NSMCE2: variants seen among roughly 807,000 people sequenced by gnomAD.
NSMCE2 encodes E3 SUMO-protein ligase NSE2.
NSMCE2 carries 24 observed loss-of-function variants against 23.8 expected under a neutral mutation model. The ratio of observed to expected loss-of-function variants is 1.01; its 90% CI spans 0.73 to 1.42. The LOEUF (loss-of-function observed/expected upper bound fraction) is 1.42, where lower values mean the gene tolerates loss of function less well. NSMCE2 is among the 40% of genes most tolerant of loss of function. The pLI is 0.00. For missense variants in NSMCE2, 284 were observed against 296.5 expected, an observed-to-expected ratio of 0.96 and a Z score of 0.31; for synonymous variants, 92 against 94.1, an observed-to-expected ratio of 0.98 and a Z score of 0.13.
In NSMCE2 at chr8:125,244,880, A is replaced by C. The variant is rs77488830; in HGVS notation, c.418+62624A>C. On this transcript the variant is annotated intron_variant, in intron 5 of 7. Coordinates refer to ENST00000287437, the MANE Select transcript of NSMCE2 (RefSeq NM_173685.4). ...TAGAGGAGCGACTGCTCAAAGCTTA[A>C]ACTAATAACTACACACTGTACTTTG... 1.2e-3 allele frequency among the ~76,000 whole-genome samples: 177 copies of C among 152,340 alleles called. 1 individual carries two copies. The highest frequency in any genetic ancestry group is 4.0e-3 in the African/African-American group (165 of 41,574).
intron 1 of NSMCE2, among the ~76,000 whole-genome samples, chr8:125,100,141 T>C (rs533074228): frequency 6.6e-6 from 1 of 152,120 alleles, no homozygotes; most frequent in South Asian, 2.1e-4. Flanking sequence ...GCAAAATTTC[T>C]ATTCTGACTG....
intron 4 of NSMCE2, among the ~76,000 whole-genome samples, chr8:125,156,464 G>A (rs1554611784): frequency 6.6e-6 from 1 of 151,930 alleles, no homozygotes; most frequent in Admixed American, 6.6e-5. Context: ...CTACATATTT[G>A]TTTTTTTAAG....
intron 5 of NSMCE2, among the ~76,000 whole-genome samples, chr8:125,300,854 T>A (rs1237268443): frequency 6.6e-6 from 1 of 152,072 alleles, no homozygotes; most frequent in African/African-American, 2.4e-5. Flanking sequence ...AAAAGATGGA[T>A]TAATGCTAGC....
At chr8:125,265,358 A>G (rs151094157) in intron 5 of NSMCE2, among the ~76,000 whole-genome samples, 5,043 of 151,994 alleles carry the variant, frequency 0.033, 270 homozygotes, top group African/African-American at 0.11. Flanking sequence ...AGTAGCTGGG[A>G]TTACAGGCAT....
intron 5 of NSMCE2, among the ~76,000 whole-genome samples, chr8:125,221,010 C>T (rs371936126): frequency 1.3e-5 from 2 of 152,120 alleles, no homozygotes; most frequent in Admixed American, 6.6e-5. Context: ...ATACTATCAC[C>T]CTTCCTCAGA....
chr8:125,224,513 C>A (rs1287704148), intron 5 of NSMCE2, among the ~76,000 whole-genome samples: 3 of 152,184 alleles, frequency 2.0e-5, no homozygotes, highest in African/African-American at 7.2e-5. Context: ...TTTCATTCTT[C>A]TGCATGTGTA....
rs73336869 is a variant in NSMCE2 at position 125,340,942 on chromosome 8, C to T, written c.419-16277C>T. ...AATTTCTCTGCCTCCTTGATGTTCACCTTTCATTTATTTTTAGCCTGCCTC... is the reference window on the plus strand; with the variant it reads ...AATTTCTCTGCCTCCTTGATGTTCATCTTTCATTTATTTTTAGCCTGCCTC... On this transcript the variant is annotated intron_variant, in intron 5 of 7. Coordinates refer to ENST00000287437, the MANE Select transcript of NSMCE2 (RefSeq NM_173685.4). Among the ~76,000 whole-genome samples, 924 of 152,264 alleles carry T rather than the reference C, an allele frequency of 6.1e-3. 8 individuals are homozygous for T. Among genetic ancestry groups the T allele is most frequent in the African/African-American group, 0.022 (899 of 41,548 alleles).
chr8:125,164,882 T>G (rs563903340), intron 4 of NSMCE2, among the ~76,000 whole-genome samples: 3 of 152,366 alleles, frequency 2.0e-5, no homozygotes, highest in African/African-American at 7.2e-5. Flanking sequence ...CAGGCAGTAT[T>G]CAGTTATCTC....
At chr8:125,119,192 T>C (rs899636556) in intron 3 of NSMCE2, among the ~76,000 whole-genome samples, 1 of 152,164 alleles carries the variant, frequency 6.6e-6, no homozygotes, top group Admixed American at 6.5e-5. Flanking sequence ...ACTCCATAAA[T>C]TTCCAATCAT....
chr8:125,096,288 G>T (rs962526005), intron 1 of NSMCE2, among the ~76,000 whole-genome samples: 14 of 152,166 alleles, frequency 9.2e-5, no homozygotes, highest in African/African-American at 2.9e-4. Flanking sequence ...GCATATATAG[G>T]CATGTAACCG....
At position 125,306,928 on chromosome 8, in the gene NSMCE2, T is replaced by C. The variant is rs533986488; in HGVS notation, c.419-50291T>C. ...ATGTGAGGAATAATAAGTTAATACA[T>C]GTGAAATGCCTAGAACTGTACATGG... On this transcript the variant is annotated intron_variant, in intron 5 of 7. Transcript: ENST00000287437. Among the ~76,000 whole-genome samples the C allele has an allele frequency of 1.4e-4, 22 of 152,356 alleles. No individual in the cohort carries two copies. In the South Asian group the frequency reaches 4.6e-3, roughly 32 times the overall value.
chr8:125,316,713 T>C (rs374051840), intron 5 of NSMCE2, among the ~76,000 whole-genome samples: 31,913 of 110,634 alleles, frequency 0.29, 5,837 homozygotes, highest in Middle Eastern at 0.4. Flanking sequence ...CTTCCTTCTT[T>C]CCTTCTTTCT....
intron 3 of NSMCE2, among the ~76,000 whole-genome samples, chr8:125,150,662 G>A (rs562347833): frequency 3.2e-4 from 48 of 152,016 alleles, no homozygotes; most frequent in African/African-American, 9.9e-4. Flanking sequence ...GATTACAGAC[G>A]TTAGTCACCA....
intron 5 of NSMCE2, among the ~76,000 whole-genome samples, chr8:125,233,137 G>A (rs1054624105): frequency 2.6e-5 from 4 of 152,144 alleles, no homozygotes; most frequent in African/African-American, 7.2e-5. Flanking sequence ...ATGTAATAGT[G>A]CTAAAACTTT....
At chr8:125,159,959 CAA>C (rs1201506209) in intron 4 of NSMCE2, among the ~76,000 whole-genome samples, 4 of 102,704 alleles carry the variant, frequency 3.9e-5, no homozygotes, top group Admixed American at 1.1e-4. Context: ...GACTCTGTCT[CAA>C]AAAAAAAAAA....
At chr8:125,092,958 C>T (rs1817741681) in intron 1 of NSMCE2, among the ~76,000 whole-genome samples, 1 of 152,138 alleles carries the variant, frequency 6.6e-6, no homozygotes, top group African/African-American at 2.4e-5. Context: ...TGGCCTCTGC[C>T]CGCTAGATGC....
chr8:125,119,749 C>A (rs1229511152), intron 3 of NSMCE2, among the ~76,000 whole-genome samples: 1 of 152,082 alleles, frequency 6.6e-6, no homozygotes, highest in Admixed American at 6.6e-5. Flanking sequence ...CAGAAAGGAG[C>A]TTTTTGTAGA....
rs962781218 is a variant in NSMCE2, at chr8:125,345,009, C to T, written c.419-12210C>T. Among the ~76,000 whole-genome samples the T allele has an allele frequency of 4.0e-5, 6 of 151,348 alleles. No homozygotes were observed. The East Asian group carries it at 9.7e-4, about 24-fold the overall frequency. ...AACAGTAATTGAATGTCTGTCCCAC[C>T]TTGGTAAAGTCAACAAACTTAAAAA... is the stretch of plus-strand genomic sequence containing the variant. On this transcript the variant is annotated intron_variant, in intron 5 of 7. Coordinates refer to ENST00000287437, the MANE Select transcript of NSMCE2 (RefSeq NM_173685.4).
At chr8:125,353,300 G>T (rs16900568) in intron 5 of NSMCE2, among the ~76,000 whole-genome samples, 12,759 of 152,208 alleles carry the variant, frequency 0.084, 674 homozygotes, top group South Asian at 0.16. Flanking sequence ...TTAAACACAC[G>T]ATCAGAAATG....
Sources: gnomAD v4.1 joint callset for allele counts (sites outside exome capture counted in the v4.1 genomes callset) on GRCh38, gnomAD v4.1.1 for gene constraint, MANE v1.5 for transcripts, NCBI Gene and HGNC (gene_info 2026-07-23, HGNC 2026-07-21) for gene names.